TMEM132D: variants seen among roughly 807,000 people sequenced by gnomAD.
The protein encoded by TMEM132D is transmembrane protein 132D.
A neutral mutation model predicts 62.3 loss-of-function variants in TMEM132D; 21 were observed. The observed-to-expected ratio is 0.34, with a 90% CI of 0.24 to 0.49. TMEM132D has a LOEUF of 0.49. Ranked by LOEUF, TMEM132D falls within the 20% of genes least tolerant of loss-of-function variation. TMEM132D has a pLI of 0.99. For synonymous variants in TMEM132D, 621 were observed against 575.6 expected (o/e 1.08, Z -1.13); for missense variants, 1,346 against 1,402.8 (o/e 0.96, Z 0.65).
At position 129,552,880 on chromosome 12, in the gene TMEM132D, G is replaced by C. The variant is rs377521472; in HGVS notation, c.969-21675C>G. ...TCTATCATCTACCTATCTATTTATCGATCAGTCATAGCTAGTGACTCACTG... is the reference window on the plus strand; with the variant it reads ...TCTATCATCTACCTATCTATTTATCCATCAGTCATAGCTAGTGACTCACTG... On this transcript the variant is annotated intron_variant, in intron 2 of 8. Coordinates refer to ENST00000422113, the MANE Select transcript of TMEM132D (RefSeq NM_133448.3). Among the ~76,000 whole-genome samples, 36 of 151,390 alleles carry C rather than the reference G, an allele frequency of 2.4e-4. 2 individuals carry two copies.
At chr12:129,583,924 T>C (rs566757248) in intron 2 of TMEM132D, among the ~76,000 whole-genome samples, 93 of 152,342 alleles carry the variant, frequency 6.1e-4, no homozygotes, top group Non-Finnish European at 1.2e-3. Flanking sequence ...TTGATCAGAG[T>C]ATTCTTACAA....
At chr12:129,420,264 A>G (rs1181181400) in intron 3 of TMEM132D, among the ~76,000 whole-genome samples, 2 of 149,684 alleles carry the variant, frequency 1.3e-5, no homozygotes, top group Non-Finnish European at 2.9e-5. Flanking sequence ...AAGTATCCCA[A>G]ACAACATTAT....
intron 3 of TMEM132D, among the ~76,000 whole-genome samples, chr12:129,494,081 C>T (rs575968479): frequency 2.0e-5 from 3 of 152,176 alleles, no homozygotes; most frequent in South Asian, 2.1e-4. Flanking sequence ...CACGAACACA[C>T]GCTCATCCAA....
chr12:129,296,804 G>A (rs1244430326), intron 4 of TMEM132D, among the ~76,000 whole-genome samples: 1 of 152,150 alleles, frequency 6.6e-6, no homozygotes, highest in African/African-American at 2.4e-5. Context: ...GGGAAAGGAG[G>A]GGTGAGTCAG....
At chr12:129,843,393 T>C (rs1392118929) in intron 1 of TMEM132D, among the ~76,000 whole-genome samples, 2 of 152,226 alleles carry the variant, frequency 1.3e-5, no homozygotes, top group Non-Finnish European at 2.9e-5. Context: ...GTCAAATTTA[T>C]GACACGATTC....
At position 129,742,019 on chromosome 12, in the gene TMEM132D, T is replaced by G. The variant is rs114607698; in HGVS notation, c.80-41321A>C. On this transcript the variant is annotated intron_variant, in intron 1 of 8. Transcript: ENST00000422113. ...TCTACATCTTTAGCATACCACAAGG[T>G]ATGCAAAATAATGGCCCCAAGTAAG... Among the ~76,000 whole-genome samples the G allele has an allele frequency of 4.5e-3, 683 of 152,278 alleles. 11 individuals are homozygous for G. The highest frequency in any genetic ancestry group is 0.016 in the African/African-American group (665 of 41,558).
intron 3 of TMEM132D, among the ~76,000 whole-genome samples, chr12:129,518,495 T>TTG (rs139644995): frequency 0.065 from 9,766 of 150,540 alleles, 447 homozygotes; most frequent in Non-Finnish European, 0.1. Flanking sequence ...CTTGACTATA[T>TTG]TGTGTGTGTG....
intron 4 of TMEM132D, among the ~76,000 whole-genome samples, chr12:129,329,696 G>A (rs962990459): frequency 2.0e-5 from 3 of 152,178 alleles, no homozygotes; most frequent in Admixed American, 1.3e-4. Flanking sequence ...GGATAAGGCT[G>A]TTCTCTTACA....
intron 3 of TMEM132D, among the ~76,000 whole-genome samples, chr12:129,341,506 C>T (rs372512907): frequency 6.6e-6 from 1 of 152,192 alleles, no homozygotes; most frequent in African/African-American, 2.4e-5. Context: ...AGAGCGACTC[C>T]ATCCTGAATG....
intron 2 of TMEM132D, among the ~76,000 whole-genome samples, chr12:129,647,152 A>AAAAC (rs1879805973): frequency 2.0e-5 from 3 of 151,564 alleles, no homozygotes; most frequent in African/African-American, 7.3e-5. Context: ...ACTCACAAAC[A>AAAAC]AAACAGTATT....
Position 129,217,817 on chromosome 12 carries a change from A to G in TMEM132D, c.1300-8154T>C, listed in dbSNP as rs146146542. 3.8e-3 allele frequency among the ~76,000 whole-genome samples: 574 copies of G among 152,358 alleles called. 1 individual carries two copies. The highest frequency in any genetic ancestry group is 6.5e-3 in the Non-Finnish European group (439 of 68,034). Reference sequence around the variant, plus strand: ...GCGTTACATATTGAGACATTTCCTCATAACATTTTTTAAGGAAAACAATGA... The same window carrying G: ...GCGTTACATATTGAGACATTTCCTCGTAACATTTTTTAAGGAAAACAATGA... On this transcript the variant is annotated intron_variant, in intron 4 of 8. Coordinates refer to ENST00000422113, the MANE Select transcript of TMEM132D (RefSeq NM_133448.3).
intron 2 of TMEM132D, among the ~76,000 whole-genome samples, chr12:129,643,560 C>T (rs996526009): frequency 6.6e-6 from 1 of 152,104 alleles, no homozygotes; most frequent in Admixed American, 6.6e-5. Context: ...TGGATGGACA[C>T]AATTCTGTGA....
intron 2 of TMEM132D, among the ~76,000 whole-genome samples, chr12:129,647,163 A>G (rs976320314): frequency 7.0e-6 from 1 of 143,240 alleles, no homozygotes; most frequent in African/African-American, 2.6e-5. Context: ...AAACAGTATT[A>G]TTTTGCATGT....
In TMEM132D at chr12:129,492,677, G is replaced by A. The variant is rs546611359; in HGVS notation, c.1115+38382C>T. Among the ~76,000 whole-genome samples, 12 of 152,240 alleles carry A rather than the reference G, an allele frequency of 7.9e-5. No individual in the cohort carries two copies. The South Asian group carries it at 8.3e-4, about 11-fold the overall frequency. On this transcript the variant is annotated intron_variant, in intron 3 of 8. Coordinates refer to ENST00000422113, the MANE Select transcript of TMEM132D (RefSeq NM_133448.3). ...AGTAATGCTCCTGGTTGAGTTTTGCGCTTTCATCTGATGACAGTACCACCT... is the reference window on the plus strand; with the variant it reads ...AGTAATGCTCCTGGTTGAGTTTTGCACTTTCATCTGATGACAGTACCACCT...
Position 129,700,559 on chromosome 12 carries a change from G to A in TMEM132D, c.219C>T (p.Ser73=), listed in dbSNP as rs1664942004. 2 of 1,614,014 alleles carry A rather than the reference G, an allele frequency of 1.2e-6. No homozygotes were observed. Among genetic ancestry groups the A allele is most frequent in the Non-Finnish European group, 8.5e-7 (1 of 1,180,012 alleles). Residue 73 remains serine, a synonymous_variant, in exon 2 of 9, where the codon TCC becomes TCT. Transcript: ENST00000422113. ...ATGACTCCACCCGGGACTGCAGGCT[G>A]GAGTTCCTCATGATATCCTGGTTGG... The part of the protein sequence containing the change: ...KEANQDIMRN[S]SLQSRVESFL...
At chr12:129,895,554 C>T (rs114914606) in intron 1 of TMEM132D, among the ~76,000 whole-genome samples, 1,952 of 152,346 alleles carry the variant, frequency 0.013, 41 homozygotes, top group African/African-American at 0.043. Context: ...CTCAGCCATG[C>T]CTGCACAGCC....
intron 1 of TMEM132D, among the ~76,000 whole-genome samples, chr12:129,868,675 A>C (rs1003018165): frequency 6.6e-6 from 1 of 152,186 alleles, no homozygotes; most frequent in African/African-American, 2.4e-5. Flanking sequence ...CAAGTCAAAC[A>C]GCAGGTGTTT....
intron 2 of TMEM132D, among the ~76,000 whole-genome samples, chr12:129,623,686 CAT>C (rs1555222201): frequency 0.035 from 2,927 of 84,090 alleles, 108 homozygotes; most frequent in African/African-American, 0.11. Flanking sequence ...CATATATATA[CAT>C]ATATACATAT....
At chr12:129,485,800 T>C (rs1056189634) in intron 3 of TMEM132D, among the ~76,000 whole-genome samples, 2 of 152,214 alleles carry the variant, frequency 1.3e-5, no homozygotes. Context: ...CCAAGAATTC[T>C]GAATCCTTAC....
Sources: allele counts gnomAD v4.1 joint callset (sites outside exome capture counted in the v4.1 genomes callset), GRCh38; gene constraint gnomAD v4.1.1; transcripts MANE v1.5; gene names NCBI Gene and HGNC (gene_info 2026-07-23, HGNC 2026-07-21).